CTBP1: variants seen among roughly 807,000 people sequenced by gnomAD.
The protein encoded by CTBP1 is C-terminal-binding protein 1.
Under a neutral mutation model 42.1 loss-of-function variants are expected in CTBP1, and 11 were observed. The ratio of observed to expected loss-of-function variants is 0.26; its 90% CI spans 0.16 to 0.43. CTBP1 has a LOEUF of 0.43. Among genes scored for constraint, CTBP1 ranks in the 20% least tolerant of loss-of-function variants. The pLI is 1.00. For synonymous variants in CTBP1, 324 were observed against 277.1 expected, an observed-to-expected ratio of 1.17 and a Z score of -1.68; for missense variants, 399 against 624.3, an observed-to-expected ratio of 0.64 and a Z score of 3.85.
chr4:1,223,560 G>A (rs1169788327), intron 5 of CTBP1: 2 of 451,542 alleles, frequency 4.4e-6, no homozygotes, highest in South Asian at 3.1e-5. Context: ...GGAGTCCCTG[G>A]CATGGCAAGG....
rs1327834614 is a variant in CTBP1 at position 1,238,792 on chromosome 4, AAGACCCTCTGAGACCCCCCG to A, written c.8-475_8-456del. Among the ~76,000 whole-genome samples, 1 of 150,140 alleles carries A rather than the reference AAGACCCTCTGAGACCCCCCG, an allele frequency of 6.7e-6. No homozygotes were observed. Among genetic ancestry groups the A allele is most frequent in the African/African-American group, 2.5e-5 (1 of 40,682 alleles). On this transcript the variant is annotated intron_variant, in intron 2 of 9. Transcript: ENST00000382952. This position sits in a 1 kb window ranked among gnomAD's most constrained non-coding sequence, Gnocchi z 5.9. ...ACCTCCCGACCCTCCTAGGCCCTCC[AAGACCCTCTGAGACCCCCCG>A]AGACCCTCCCAGACCGTCCGAGACC... is the stretch of plus-strand genomic sequence containing the variant.
chr4:1,238,078 C>G lies in CTBP1; in HGVS notation c.162+105G>C. 1 of 1,457,012 alleles carries G rather than the reference C, an allele frequency of 6.9e-7. No homozygotes were observed. Among genetic ancestry groups the G allele is most frequent in the Non-Finnish European group, 9.6e-7 (1 of 1,044,540 alleles). The allele number at this position is 1,457,012 out of a possible 1,614,324, so 90.3% of individuals were successfully genotyped here. On this transcript the variant is annotated intron_variant, in intron 3 of 9. Coordinates refer to ENST00000382952, the MANE Select transcript of CTBP1 (RefSeq NM_001012614.2). The surrounding 1 kb of genome is among the most constrained non-coding windows in gnomAD (Gnocchi z 5.9). ...GACTGGGACAGAGGCTGCTCCTGCC[C>G]CAGTGGCACCCAGACCTGCTGTGGC...
At chr4:1,240,781 C>T (rs73069935) in intron 2 of CTBP1, among the ~76,000 whole-genome samples, 2,608 of 152,248 alleles carry the variant, frequency 0.017, 80 homozygotes, top group African/African-American at 0.059. Flanking sequence ...CAGGGTTCCC[C>T]GGACAGCCCA....
chr4:1,238,511 G>A lies in CTBP1; in HGVS notation c.8-174C>T, dbSNP rs1038126050. ...TAAAAATCCACGTGAAAGACAACTC[G>A]TGTGTGCCTCAGCTCGCTGACTCAA... On this transcript the variant is annotated intron_variant, in intron 2 of 9. Transcript: ENST00000382952. The surrounding 1 kb of genome is among the most constrained non-coding windows in gnomAD (Gnocchi z 5.9). Among the ~76,000 whole-genome samples the A allele has an allele frequency of 5.3e-5, 8 of 151,964 alleles. No individual in the cohort carries two copies. Among genetic ancestry groups the A allele is most frequent in the Non-Finnish European group, 8.8e-5 (6 of 67,990 alleles).
At position 1,238,838 on chromosome 4, in the gene CTBP1, C is replaced by G. The variant is rs1278447336; in HGVS notation, c.8-501G>C. ...AGACCCTCCCAGACCGTCCGAGACC[C>G]CAGGGCAGCTCCATGAGGCAGGGGG... is the stretch of plus-strand genomic sequence containing the variant. On this transcript the variant is annotated intron_variant, in intron 2 of 9. Transcript: ENST00000382952. The surrounding 1 kb of genome is among the most constrained non-coding windows in gnomAD (Gnocchi z 5.9). Among the ~76,000 whole-genome samples, 2 of 151,724 alleles carry G rather than the reference C, an allele frequency of 1.3e-5. No individual in the cohort carries two copies. Among genetic ancestry groups the G allele is most frequent in the Non-Finnish European group, 2.9e-5 (2 of 67,938 alleles).
chr4:1,220,222 C>G, intron 5 of CTBP1, among the ~76,000 whole-genome samples: 1 of 141,802 alleles, frequency 7.1e-6, no homozygotes, highest in African/African-American at 2.6e-5. Context: ...AAAAAAGGGG[C>G]AGAGATTGCA....
At chr4:1,241,695 C>T (rs533892247) in intron 1 of CTBP1, 176 bp from the exon 2 acceptor site, 40 of 1,249,626 alleles carry the variant, frequency 3.2e-5, no homozygotes, top group East Asian at 9.6e-5. Context: ...CGGCTCCTGC[C>T]GCACACACGA....
At position 1,238,355 on chromosome 4, in the gene CTBP1, G is replaced by C. The variant is rs576098860; in HGVS notation, c.8-18C>G. On this transcript the variant is annotated intron_variant, in intron 2 of 9. Transcript: ENST00000382952. The surrounding 1 kb of genome is among the most constrained non-coding windows in gnomAD (Gnocchi z 5.9). ...TCGGACGCCTGCAAGACAGAGGCAA[G>C]TGCTCAGCCTTGCACCACTGCGGCC... 6.5e-7 allele frequency: 1 copy of C among 1,545,604 alleles called. No homozygotes were observed. Among genetic ancestry groups the C allele is most frequent in the African/African-American group, 1.4e-5 (1 of 73,438 alleles).
At chr4:1,230,599 G>A (rs188908381) in intron 3 of CTBP1, among the ~76,000 whole-genome samples, 1 of 152,188 alleles carries the variant, frequency 6.6e-6, no homozygotes, top group African/African-American at 2.4e-5. Flanking sequence ...GGCTCGGCAT[G>A]GACAGGCTGG....
intron 3 of CTBP1, chr4:1,237,029 C>T (rs1291586342): frequency 3.0e-6 from 2 of 669,016 alleles, no homozygotes; most frequent in East Asian, 2.7e-5. Context: ...ACCCAGTGTC[C>T]ACCTCCTGAT....
chr4:1,221,224 G>A (rs1270595177), intron 5 of CTBP1, among the ~76,000 whole-genome samples: 2 of 152,234 alleles, frequency 1.3e-5, no homozygotes, highest in South Asian at 2.1e-4. Context: ...CACTTATCAG[G>A]AAACTATAGG....
In CTBP1 at chr4:1,246,054, T is replaced by C. The variant is rs111551097; in HGVS notation, c.-189+2862A>G. 2.1e-3 allele frequency among the ~76,000 whole-genome samples: 312 copies of C among 152,156 alleles called. 2 individuals are homozygous for C. The highest frequency in any genetic ancestry group is 0.014 in the Middle Eastern group (4 of 294). ...AGGGAAAAAAACGAACATTTCCTTG[T>C]GGGAGATACCACATGGAATGTGTGG... On this transcript the variant is annotated intron_variant, in intron 1 of 9. Transcript: ENST00000382952.
At chr4:1,213,754 C>T in intron 7 of CTBP1, 149 bp from the exon 8 acceptor site, 1 of 1,034,172 alleles carries the variant, frequency 9.7e-7, no homozygotes, top group South Asian at 1.8e-5. Context: ...GCTGGCTGAG[C>T]TCAAGAGCAC....
rs112139070 is a variant in CTBP1, at chr4:1,243,060, A to G, written c.-188-1541T>C. Reference sequence around the variant, plus strand: ...CCAATACTCATTGATACCGGCTGATACTCATTGATACCAGTCAATACTCAT... The same window carrying G: ...CCAATACTCATTGATACCGGCTGATGCTCATTGATACCAGTCAATACTCAT... On this transcript the variant is annotated intron_variant, in intron 1 of 9. Coordinates refer to ENST00000382952, the MANE Select transcript of CTBP1 (RefSeq NM_001012614.2). The G allele has an allele frequency of 2.7e-3, 2,633 of 985,334 alleles. 56 individuals carry two copies. In the African/African-American group the frequency reaches 0.043, roughly 16 times the overall value. 61.0% of individuals were successfully genotyped at this position (985,334 alleles called of 1,614,324 possible). A position where few individuals can be genotyped will look rare whatever the true frequency, so the allele number is the denominator to read the frequency against.
At chr4:1,228,076 C>A in intron 4 of CTBP1, 123 bp downstream of exon 4, 1 of 1,390,482 alleles carries the variant, frequency 7.2e-7, no homozygotes, top group East Asian at 2.3e-5. Context: ...CACGAACCAC[C>A]GCCAGCCACA....
At chr4:1,228,739 C>G (rs1479924002) in intron 3 of CTBP1, among the ~76,000 whole-genome samples, 1 of 152,064 alleles carries the variant, frequency 6.6e-6, no homozygotes, top group Non-Finnish European at 1.5e-5. Flanking sequence ...GCGGCCACAC[C>G]CAGGAAGGAC....
At chr4:1,239,495 G>A (rs927900869) in intron 2 of CTBP1, among the ~76,000 whole-genome samples, 13 of 152,368 alleles carry the variant, frequency 8.5e-5, no homozygotes, top group African/African-American at 2.6e-4. Context: ...GCTCGGCCCA[G>A]TCTCCCGCCC....
chr4:1,247,769 G>T lies in CTBP1; in HGVS notation c.-189+1147C>A, dbSNP rs548948733. ...CAGAAACGGTGGAGAGGCCGGGGAG[G>T]GGGGGGGGGCTCGGGCTCAACGGAA... is the stretch of plus-strand genomic sequence containing the variant. On this transcript the variant is annotated intron_variant, in intron 1 of 9. Coordinates refer to ENST00000382952, the MANE Select transcript of CTBP1 (RefSeq NM_001012614.2). Among the ~76,000 whole-genome samples the T allele has an allele frequency of 2.3e-3, 309 of 131,992 alleles. 5 individuals are homozygous for T. Among genetic ancestry groups the T allele is most frequent in the Middle Eastern group, 0.015 (4 of 264 alleles). The allele number at this position is 131,992 out of a possible 152,430, so 86.6% of individuals were successfully genotyped here.
Position 1,225,430 on chromosome 4 carries a change from G to A in CTBP1, c.444C>T (p.Val148=), listed in dbSNP as rs139564947. The change falls in exon 5 of 10, where the codon GTC becomes GTT. Residue 148 remains valine, a synonymous_variant. Coordinates refer to ENST00000382952, the MANE Select transcript of CTBP1 (RefSeq NM_001012614.2). ...CGGACGCCACCTCGCGGATCTGCTC[G>A]ACGCTCTGGACTCGTGTGCCCTCCC... ...ALREGTRVQS[V]EQIREVASGA... is the part of the protein sequence containing the mutation. The A allele has an allele frequency of 2.2e-4, 345 of 1,553,652 alleles. 1 individual carries two copies. In the African/African-American group the frequency reaches 4.2e-3, roughly 19 times the overall value.
Sources: gnomAD v4.1 joint callset for allele counts (sites outside exome capture counted in the v4.1 genomes callset) on GRCh38, gnomAD v4.1.1 for gene constraint, Gnocchi (gnomAD v3.1) non-coding constraint, MANE v1.5 for transcripts, NCBI Gene and HGNC (gene_info 2026-07-23, HGNC 2026-07-21) for gene names.